Variants in STON1 observed in about 807,000 individuals in gnomAD.
STON1 encodes the protein stonin-1.
A neutral mutation model predicts 60.9 loss-of-function variants in STON1; 79 were observed. That is an observed-to-expected ratio of 1.30 (90% CI 1.08 to 1.56). STON1 has a LOEUF of 1.56. Ranked by LOEUF, STON1 falls within the 40% of genes most tolerant of loss-of-function variation. STON1 has a pLI of 0.00. For synonymous variants in STON1, 363 were observed against 306.9 expected (o/e 1.18, Z -1.91); for missense variants, 1,166 against 858.9 (o/e 1.36, Z -4.47).
Position 48,544,454 on chromosome 2 carries a change from A to G in STON1, c.-48+14238A>G, listed in dbSNP as rs546966608. Among the ~76,000 whole-genome samples the G allele has an allele frequency of 1.3e-3, 201 of 152,300 alleles. 1 individual carries two copies. Among genetic ancestry groups the G allele is most frequent in the Non-Finnish European group, 2.3e-3 (159 of 68,024 alleles). On this transcript the variant is annotated intron_variant, in intron 1 of 3. Coordinates refer to ENST00000404752, the MANE Select transcript of STON1 (RefSeq NM_006873.4). ...CATTGGCCTCTGTTTATACCTTTGA[A>G]TATTTTCTTCCTAGCTTATGGTAAC...
rs749484847 is a variant in STON1, at chr2:48,581,475, G to T, written c.842G>T (p.Arg281Ile). 3 of 1,614,106 alleles carry T rather than the reference G, an allele frequency of 1.9e-6. No individual in the cohort carries two copies. The highest frequency in any genetic ancestry group is 2.5e-6 in the Non-Finnish European group (3 of 1,180,046). Residue 281 changes from arginine (R) to isoleucine (I), a missense_variant, in exon 2 of 4, where the codon AGA becomes ATA. Arg to Ile is a moderately conservative substitution (Grantham distance 97, BLOSUM62 -3). Coordinates refer to ENST00000404752, the MANE Select transcript of STON1 (RefSeq NM_006873.4). Reference protein sequence around the residue: ...QPKSGWSFMLRIPEKKNMMSS... With the variant: ...QPKSGWSFMLIIPEKKNMMSS... ...AAATCCGGATGGTCTTTCATGCTGAGAATTCCTGAGAAGAAGAATATGATG... is the reference window on the plus strand; with the variant it reads ...AAATCCGGATGGTCTTTCATGCTGATAATTCCTGAGAAGAAGAATATGATG...
At chr2:48,541,345 T>G (rs1572926651) in intron 1 of STON1, among the ~76,000 whole-genome samples, 2 of 149,188 alleles carry the variant, frequency 1.3e-5, no homozygotes, top group African/African-American at 5.0e-5. Context: ...AGTGTGAGAC[T>G]CCATCTCAAA....
At chr2:48,585,091 A>T (rs1340375681) in intron 2 of STON1, among the ~76,000 whole-genome samples, 1 of 152,156 alleles carries the variant, frequency 6.6e-6, no homozygotes, top group Non-Finnish European at 1.5e-5. Flanking sequence ...CCATACTAGC[A>T]AGGATAGCTC....
intron 1 of STON1, among the ~76,000 whole-genome samples, chr2:48,550,764 G>A (rs918253579): frequency 2.6e-5 from 4 of 151,368 alleles, no homozygotes; most frequent in African/African-American, 4.8e-5. Flanking sequence ...CTTTCCACAT[G>A]TTAAGCAGTT....
In STON1 at chr2:48,564,602, CCTTCTCCTT is replaced by C. The variant is rs1202621208; in HGVS notation, c.-47-15982_-47-15974del. On this transcript the variant is annotated intron_variant, in intron 1 of 3. Transcript: ENST00000404752. ...TTCTCCTCCTCCTCCTCCTCCTCCT[CCTTCTCCTT>C]CTCCTTCTCCTTCTCCTTCTCTTTC... 7.0e-5 allele frequency among the ~76,000 whole-genome samples: 4 copies of C among 57,298 alleles called. 1 individual carries two copies. Among genetic ancestry groups the C allele is most frequent in the Non-Finnish European group, 1.5e-4 (4 of 26,724 alleles). The allele number at this position is 57,298 out of a possible 152,430, so 37.6% of individuals were successfully genotyped here.
chr2:48,585,537 C>G (rs1359319028), intron 2 of STON1, among the ~76,000 whole-genome samples: 2 of 152,160 alleles, frequency 1.3e-5, no homozygotes, highest in Non-Finnish European at 2.9e-5. Context: ...GTTTGAGCCA[C>G]CGTGCCTGGC....
At chr2:48,533,898 T>C (rs533180796) in intron 1 of STON1, among the ~76,000 whole-genome samples, 1 of 151,268 alleles carries the variant, frequency 6.6e-6, no homozygotes, top group Admixed American at 6.6e-5. Flanking sequence ...GCCACCCGAG[T>C]ACCTGGGATT....
At chr2:48,580,043 A>G (rs191370541) in intron 1 of STON1, among the ~76,000 whole-genome samples, 1 of 152,202 alleles carries the variant, frequency 6.6e-6, no homozygotes, top group Admixed American at 6.5e-5. Flanking sequence ...AGTAGCTGGG[A>G]TTACAGGTGC....
chr2:48,551,906 G>T (rs1003791943), intron 1 of STON1, among the ~76,000 whole-genome samples: 3 of 152,212 alleles, frequency 2.0e-5, no homozygotes, highest in Admixed American at 6.5e-5. Context: ...GTGATGTTGG[G>T]AGCTCCAACC....
chr2:48,592,830 G>C (rs1035539380), intron 3 of STON1, among the ~76,000 whole-genome samples: 6 of 151,896 alleles, frequency 4.0e-5, no homozygotes, highest in African/African-American at 1.5e-4. Flanking sequence ...GGTCAGGCTG[G>C]TCTCAAATTC....
rs199808169 is a variant in STON1, at chr2:48,575,755, G to GTT, written c.-47-4830_-47-4829dup. Among the ~76,000 whole-genome samples, 279 of 109,746 alleles carry GTT rather than the reference G, an allele frequency of 2.5e-3. 21 individuals are homozygous for GTT. Among genetic ancestry groups the GTT allele is most frequent in the Middle Eastern group, 4.5e-3 (1 of 224 alleles). 72.0% of individuals were successfully genotyped at this position (109,746 alleles called of 152,430 possible). A position where few individuals can be genotyped will look rare whatever the true frequency, so the allele number is the denominator to read the frequency against. On this transcript the variant is annotated intron_variant, in intron 1 of 3. Transcript: ENST00000404752. ...TATGGTAGTTCTATTTTTAGTTTTT[G>GTT]TTTGTTTTTTTTTTTTTTTTGAGAT...
rs541139980 is a variant in STON1 at position 48,578,628 on chromosome 2, G to T, written c.-47-1959G>T. Among the ~76,000 whole-genome samples the T allele has an allele frequency of 6.3e-5, 6 of 94,642 alleles. No homozygotes were observed. In the Admixed American group the frequency reaches 9.6e-4, roughly 15 times the overall value. 62.1% of individuals were successfully genotyped at this position (94,642 alleles called of 152,430 possible). A position where few individuals can be genotyped will look rare whatever the true frequency, so the allele number is the denominator to read the frequency against. ...TTTTGATATAGAGTTTCTCTCTGTCGTCCAGGCTGGAGTGCAATGGTGCAA... is the reference window on the plus strand; with the variant it reads ...TTTTGATATAGAGTTTCTCTCTGTCTTCCAGGCTGGAGTGCAATGGTGCAA... On this transcript the variant is annotated intron_variant, in intron 1 of 3. Transcript: ENST00000404752.
At chr2:48,595,116 C>G (rs918896752) in intron 3 of STON1, 112 bp from the exon 4 acceptor site, 2 of 823,456 alleles carry the variant, frequency 2.4e-6, no homozygotes, top group Admixed American at 2.1e-5. Flanking sequence ...GTGTCTGTGT[C>G]CAAAGGGTGA....
Position 48,581,711 on chromosome 2 carries a change from T to A in STON1, c.1078T>A (p.Tyr360Asn), listed in dbSNP as rs1673896322. ...TGTGTCTTACACAGAAAAAAGGAAATACCATTCTAAGACAGAAGTAGTTCA... is the reference window on the plus strand; with the variant it reads ...TGTGTCTTACACAGAAAAAAGGAAAAACCATTCTAAGACAGAAGTAGTTCA... ...EHVSYTEKRK[Y>N]HSKTEVVHEP... Residue 360 changes from tyrosine to asparagine, a missense_variant, in exon 2 of 4, where the codon TAC (tyrosine) becomes AAC (asparagine). By Grantham distance (143) the Tyr-to-Asn change is moderately radical. Coordinates refer to ENST00000404752, the MANE Select transcript of STON1 (RefSeq NM_006873.4). The A allele has an allele frequency of 6.2e-7, 1 of 1,610,842 alleles. No individual in the cohort carries two copies. Among genetic ancestry groups the A allele is most frequent in the Non-Finnish European group, 8.5e-7 (1 of 1,179,124 alleles).
At chr2:48,594,095 T>C (rs1674672649) in intron 3 of STON1, among the ~76,000 whole-genome samples, 1 of 152,172 alleles carries the variant, frequency 6.6e-6, no homozygotes, top group South Asian at 2.1e-4. Flanking sequence ...GCATCCCAGC[T>C]TCTCTCTCTG....
intron 1 of STON1, among the ~76,000 whole-genome samples, chr2:48,544,975 C>G (rs951697419): frequency 3.9e-5 from 6 of 152,232 alleles, no homozygotes; most frequent in African/African-American, 1.4e-4. Context: ...AGGCCTGTTG[C>G]TCATTTGTGG....
intron 1 of STON1, among the ~76,000 whole-genome samples, chr2:48,545,819 C>G (rs578249498): frequency 3.3e-5 from 5 of 152,172 alleles, no homozygotes; most frequent in Non-Finnish European, 7.3e-5. Flanking sequence ...ATTCAGCCCC[C>G]ACTTAATGAG....
rs74879345 is a variant in STON1, at chr2:48,537,298, A to G, written c.-48+7082A>G. The stretch of plus-strand genomic sequence containing the variant: ...CTAAGAACTTTGCTCTATTCTTAAT[A>G]TTTTTTAACAAGGTAAAAATTATAT... On this transcript the variant is annotated intron_variant, in intron 1 of 3. Transcript: ENST00000404752. 1.6e-3 allele frequency among the ~76,000 whole-genome samples: 242 copies of G among 152,316 alleles called. 7 individuals are homozygous for G. The East Asian group carries it at 0.041, about 26-fold the overall frequency.
intron 1 of STON1, among the ~76,000 whole-genome samples, chr2:48,557,957 T>A (rs947527328): frequency 1.3e-5 from 2 of 152,194 alleles, no homozygotes; most frequent in Non-Finnish European, 2.9e-5. Flanking sequence ...GTGCGGTGGC[T>A]CATGCCTGTA....
Sources: allele counts gnomAD v4.1 joint callset (sites outside exome capture counted in the v4.1 genomes callset), GRCh38; gene constraint gnomAD v4.1.1; transcripts MANE v1.5; gene names NCBI Gene and HGNC (gene_info 2026-07-23, HGNC 2026-07-21).